Variants in ROBO2 observed in about 807,000 individuals in gnomAD.
ROBO2 encodes roundabout guidance receptor 2, also known as roundabout homolog 2.
ROBO2 carries 53 observed loss-of-function variants against 160.8 expected under a neutral mutation model. The ratio of observed to expected loss-of-function variants is 0.33; its 90% CI spans 0.26 to 0.41. The LOEUF (loss-of-function observed/expected upper bound fraction) is 0.41, where lower values mean the gene tolerates loss of function less well. ROBO2 is among the 10% of genes least tolerant of loss of function. The pLI, the probability that ROBO2 is intolerant of heterozygous loss-of-function variation, is 1.00. For missense variants in ROBO2, 1,577 were observed against 1,722.4 expected (o/e 0.92, Z 1.49); for synonymous variants, 664 against 611.7 (o/e 1.09, Z -1.26).
intron 2 of ROBO2, among the ~76,000 whole-genome samples, chr3:76,046,868 A>T (rs2067469983): frequency 6.6e-6 from 1 of 150,566 alleles, no homozygotes; most frequent in Non-Finnish European, 1.5e-5. Context: ...TGTTAATTGG[A>T]AAACTCAAAG....
intron 2 of ROBO2, among the ~76,000 whole-genome samples, chr3:76,053,156 A>T (rs1010991964): frequency 1.3e-5 from 2 of 151,994 alleles, no homozygotes; most frequent in African/African-American, 4.8e-5. Flanking sequence ...AATCCATTGA[A>T]CTTATTCAGG....
intron 2 of ROBO2, among the ~76,000 whole-genome samples, chr3:76,416,782 G>A (rs927806439): frequency 2.0e-5 from 3 of 151,236 alleles, no homozygotes; most frequent in South Asian, 2.1e-4. Flanking sequence ...CATCTGCGCC[G>A]TCAACTTTCT....
chr3:77,008,290 G>A (rs116305999), intron 2 of ROBO2, among the ~76,000 whole-genome samples: 7,063 of 152,098 alleles, frequency 0.046, 214 homozygotes, highest in Middle Eastern at 0.13. Flanking sequence ...CTATATTATA[G>A]GAAAGAGAAA....
chr3:76,506,837 T>C (rs1265102720), intron 2 of ROBO2, among the ~76,000 whole-genome samples: 1 of 152,194 alleles, frequency 6.6e-6, no homozygotes, highest in Non-Finnish European at 1.5e-5. Context: ...TAAGACTGAA[T>C]GTGGAATCAA....
chr3:76,258,934 G>A (rs965307646), intron 2 of ROBO2, among the ~76,000 whole-genome samples: 5 of 151,980 alleles, frequency 3.3e-5, no homozygotes, highest in Admixed American at 6.6e-5. Flanking sequence ...ATTTTGGAGA[G>A]AAAAGTCATC....
intron 2 of ROBO2, among the ~76,000 whole-genome samples, chr3:76,106,896 G>C (rs1015116169): frequency 6.6e-6 from 1 of 152,062 alleles, no homozygotes; most frequent in African/African-American, 2.4e-5. Flanking sequence ...ACCACAAGGG[G>C]TACTCTTGAT....
At chr3:76,171,859 C>T (rs1204761060) in intron 2 of ROBO2, among the ~76,000 whole-genome samples, 1 of 151,878 alleles carries the variant, frequency 6.6e-6, no homozygotes, top group Non-Finnish European at 1.5e-5. Context: ...ATTTTAGAAT[C>T]CAGAAAGTGA....
chr3:76,450,013 A>G (rs767032115), intron 2 of ROBO2, among the ~76,000 whole-genome samples: 3 of 152,186 alleles, frequency 2.0e-5, no homozygotes, highest in Non-Finnish European at 1.5e-5. Flanking sequence ...TGGAAAAGTC[A>G]TTTATCGAAA....
intron 5 of ROBO2, among the ~76,000 whole-genome samples, chr3:77,493,707 G>GCCT: frequency 6.6e-6 from 1 of 151,970 alleles, no homozygotes; most frequent in Admixed American, 6.6e-5. Context: ...CCCCCTGCAG[G>GCCT]CCTCCATCAA....
chr3:77,011,091 C>CTTTCTTTCTTTCTT (rs1559841523), intron 2 of ROBO2, among the ~76,000 whole-genome samples: 2 of 69,972 alleles, frequency 2.9e-5, no homozygotes, highest in East Asian at 5.6e-4. Flanking sequence ...CTTTCTTTTT[C>CTTTCTTTCTTTCTT]TTTCTATCTT....
intron 2 of ROBO2, among the ~76,000 whole-genome samples, chr3:76,025,407 T>C (rs62267215): frequency 0.073 from 11,131 of 151,654 alleles, 1,049 homozygotes; most frequent in African/African-American, 0.22. Flanking sequence ...TAAAGTCATA[T>C]AGAATAATTA....
intron 2 of ROBO2, among the ~76,000 whole-genome samples, chr3:77,344,510 G>T (rs1271705002): frequency 6.6e-6 from 1 of 152,106 alleles, no homozygotes; most frequent in Non-Finnish European, 1.5e-5. Flanking sequence ...CCTTCTACCA[G>T]GTGAGGACAC....
At chr3:76,739,527 G>T (rs1242654527) in intron 2 of ROBO2, among the ~76,000 whole-genome samples, 4 of 151,558 alleles carry the variant, frequency 2.6e-5, no homozygotes, top group African/African-American at 9.8e-5. Context: ...TATACCTAAT[G>T]CTAGATGACG....
At chr3:75,930,807 T>G (rs746564825) in intron 1 of ROBO2, among the ~76,000 whole-genome samples, 2 of 152,206 alleles carry the variant, frequency 1.3e-5, no homozygotes, top group African/African-American at 2.4e-5. Flanking sequence ...GTTCCAAATA[T>G]ATCTGTAATT....
At chr3:76,890,056 G>A (rs1037457065) in intron 2 of ROBO2, among the ~76,000 whole-genome samples, 7 of 152,048 alleles carry the variant, frequency 4.6e-5, no homozygotes, top group African/African-American at 9.7e-5. Context: ...TTCACTCTGC[G>A]TGTAATGAGA....
At chr3:77,227,798 C>T (rs1278275991) in intron 2 of ROBO2, among the ~76,000 whole-genome samples, 1 of 152,192 alleles carries the variant, frequency 6.6e-6, no homozygotes, top group Non-Finnish European at 1.5e-5. Context: ...GTTCTTTCAA[C>T]TGCCTTACTC....
At chr3:76,763,815 G>T (rs374252440) in intron 2 of ROBO2, among the ~76,000 whole-genome samples, 1 of 151,708 alleles carries the variant, frequency 6.6e-6, no homozygotes, top group East Asian at 2.0e-4. Flanking sequence ...TGCCATTGCT[G>T]CTGCTTTGCC....
At chr3:76,530,896 G>GT (rs1249276845) in intron 2 of ROBO2, among the ~76,000 whole-genome samples, 3 of 151,990 alleles carry the variant, frequency 2.0e-5, no homozygotes, top group Admixed American at 2.0e-4. Flanking sequence ...ATTTCCCTTC[G>GT]TGAGTGCTGC....
chr3:76,972,023 G>A (rs2059594694), intron 2 of ROBO2, among the ~76,000 whole-genome samples: 2 of 152,108 alleles, frequency 1.3e-5, no homozygotes, highest in South Asian at 4.1e-4. Flanking sequence ...TTTGCATCTG[G>A]TACTTAAGTT....
Sources: allele counts gnomAD v4.1 joint callset (sites outside exome capture counted in the v4.1 genomes callset), GRCh38; gene constraint gnomAD v4.1.1; transcripts MANE v1.5; gene names NCBI Gene and HGNC (gene_info 2026-07-23, HGNC 2026-07-21).